SLC4A4: variants seen among roughly 807,000 people sequenced by gnomAD.
The protein encoded by SLC4A4 is solute carrier family 4 member 4.
SLC4A4 carries 27 observed loss-of-function variants against 111.5 expected under a neutral mutation model. The observed-to-expected ratio is 0.24, with a 90% CI of 0.18 to 0.33. The LOEUF is 0.33. Ranked by LOEUF, SLC4A4 falls within the 10% of genes least tolerant of loss-of-function variation. The pLI, the probability that SLC4A4 is intolerant of heterozygous loss-of-function variation, is 1.00. For missense variants in SLC4A4, 909 were observed against 1,315.5 expected (o/e 0.69, Z 4.78); for synonymous variants, 443 against 463.4 (o/e 0.96, Z 0.57).
chr4:71,419,525 C>T (rs530858344), intron 7 of SLC4A4, among the ~76,000 whole-genome samples: 9 of 152,338 alleles, frequency 5.9e-5, no homozygotes, highest in Middle Eastern at 3.4e-3. Flanking sequence ...TCTCCTGGTG[C>T]CCCGTTTTTT....
chr4:71,479,492 C>T (rs1477051100), intron 14 of SLC4A4, among the ~76,000 whole-genome samples: 1 of 151,624 alleles, frequency 6.6e-6, no homozygotes, highest in African/African-American at 2.4e-5. Flanking sequence ...CCTGTGTTCC[C>T]ATATTATAGT....
intron 2 of SLC4A4, among the ~76,000 whole-genome samples, chr4:71,177,133 G>C (rs1312514617): frequency 1.3e-5 from 2 of 152,162 alleles, no homozygotes; most frequent in African/African-American, 4.8e-5. Context: ...GATACTGAGA[G>C]ATTTTGTCAC....
chr4:71,306,894 T>A (rs1725736427), intron 3 of SLC4A4, among the ~76,000 whole-genome samples: 1 of 152,188 alleles, frequency 6.6e-6, no homozygotes, highest in Non-Finnish European at 1.5e-5. Context: ...CATAAGGTTC[T>A]GGTTAATGTC....
intron 14 of SLC4A4, among the ~76,000 whole-genome samples, chr4:71,482,901 G>A (rs1729014944): frequency 6.6e-6 from 1 of 151,578 alleles, no homozygotes; most frequent in South Asian, 2.1e-4. Flanking sequence ...CTCTGCTTCT[G>A]ATAAACTATA....
intron 16 of SLC4A4, among the ~76,000 whole-genome samples, chr4:71,512,309 A>T (rs1190071548): frequency 6.6e-6 from 1 of 151,904 alleles, no homozygotes; most frequent in African/African-American, 2.4e-5. Flanking sequence ...TCAACATCTT[A>T]TTTTTGGTCT....
chr4:71,268,075 G>GTTTTTTTTT lies in SLC4A4; in HGVS notation c.253+12690_253+12698dup, dbSNP rs10657146. ...ATATCAGTGTGCCAAATAAAGTAGT[G>GTTTTTTTTT]TTTTTTTTTTTTTTTTTTTTTTGCC... On this transcript the variant is annotated intron_variant, in intron 3 of 25. Transcript: ENST00000264485. 7.3e-4 allele frequency among the ~76,000 whole-genome samples: 64 copies of GTTTTTTTTT among 87,588 alleles called. 7 individuals carry two copies. The highest frequency in any genetic ancestry group is 2.0e-3 in the African/African-American group (44 of 21,994). 57.5% of individuals were successfully genotyped at this position (87,588 alleles called of 152,430 possible).
At chr4:71,234,236 T>C (rs1719643803) in intron 1 of SLC4A4, among the ~76,000 whole-genome samples, 1 of 152,266 alleles carries the variant, frequency 6.6e-6, no homozygotes, top group Non-Finnish European at 1.5e-5. Flanking sequence ...GATTACCTTG[T>C]TCATCTATTC....
At chr4:71,317,733 T>C (rs1261791797) in intron 3 of SLC4A4, among the ~76,000 whole-genome samples, 2 of 152,032 alleles carry the variant, frequency 1.3e-5, no homozygotes. Context: ...GGAAGCACAC[T>C]ATAGCAGGAA....
Position 71,532,285 on chromosome 4 carries a change from T to A in SLC4A4, c.2280+110T>A, listed in dbSNP as rs562235105. ...GTTAGTTTTGTACAATTATCCATAT[T>A]TTTTTTCCAAAATCAGTCCCTCTTA... On this transcript the variant is annotated intron_variant, in intron 17 of 25. Coordinates refer to ENST00000264485, the MANE Select transcript of SLC4A4 (RefSeq NM_001098484.3). 177 of 766,600 alleles carry A rather than the reference T, an allele frequency of 2.3e-4. No individual in the cohort carries two copies. The African/African-American group carries it at 2.5e-3, about 11-fold the overall frequency. 47.5% of individuals were successfully genotyped at this position (766,600 alleles called of 1,614,324 possible). A position where few individuals can be genotyped will look rare whatever the true frequency, so the allele number is the denominator to read the frequency against.
At chr4:71,126,592 T>C (rs1428117629) in intron 2 of SLC4A4, among the ~76,000 whole-genome samples, 1 of 152,174 alleles carries the variant, frequency 6.6e-6, no homozygotes, top group Non-Finnish European at 1.5e-5. Flanking sequence ...TGATAAATTA[T>C]GAACAAAGGA....
chr4:71,564,849 C>T (rs551161070), intron 24 of SLC4A4, among the ~76,000 whole-genome samples: 10 of 151,922 alleles, frequency 6.6e-5, no homozygotes, highest in East Asian at 5.9e-4. Flanking sequence ...TAACAAATTA[C>T]AATAAAACTC....
At chr4:71,139,172 CT>C (rs1743931836) in intron 2 of SLC4A4, among the ~76,000 whole-genome samples, 1 of 128,474 alleles carries the variant, frequency 7.8e-6, no homozygotes, top group African/African-American at 3.0e-5. Flanking sequence ...ACTAAATTCC[CT>C]TTTCTTTGTG....
chr4:71,494,888 T>C (rs1023428619), intron 15 of SLC4A4, among the ~76,000 whole-genome samples: 4 of 152,008 alleles, frequency 2.6e-5, no homozygotes, highest in Non-Finnish European at 4.4e-5. Context: ...TCAGCTTATA[T>C]GGAACAATAA....
At chr4:71,421,987 A>G (rs1483617765) in intron 7 of SLC4A4, among the ~76,000 whole-genome samples, 1 of 152,186 alleles carries the variant, frequency 6.6e-6, no homozygotes, top group East Asian at 1.9e-4. Flanking sequence ...AACTAAGATC[A>G]GAGCAGAACG....
chr4:71,241,650 C>T (rs1400407408), intron 2 of SLC4A4, among the ~76,000 whole-genome samples: 7 of 152,186 alleles, frequency 4.6e-5, no homozygotes, highest in African/African-American at 1.7e-4. Context: ...TATAAGTGTC[C>T]GGTTGCATTT....
At chr4:71,193,320 C>A (rs890661277) in intron 1 of SLC4A4, among the ~76,000 whole-genome samples, 27 of 152,196 alleles carry the variant, frequency 1.8e-4, no homozygotes, top group Admixed American at 1.8e-3. Context: ...CCACCACGTC[C>A]GGCTAATTTT....
chr4:71,434,339 A>T (rs1016803961), intron 7 of SLC4A4: 2 of 154,840 alleles, frequency 1.3e-5, no homozygotes, highest in Non-Finnish European at 2.9e-5. Context: ...AACAATTTTT[A>T]AAATAAAATG....
At chr4:71,417,048 A>C (rs141849359) in intron 7 of SLC4A4, among the ~76,000 whole-genome samples, 3 of 152,314 alleles carry the variant, frequency 2.0e-5, no homozygotes, top group African/African-American at 7.2e-5. Flanking sequence ...TAGTGGAGCT[A>C]TCAGTGTCCC....
At chr4:71,150,165 G>A (rs1396542614) in intron 2 of SLC4A4, among the ~76,000 whole-genome samples, 1 of 152,118 alleles carries the variant, frequency 6.6e-6, no homozygotes, top group African/African-American at 2.4e-5. Context: ...AAAAATAAAT[G>A]TTGAGCCTTG....
Sources: gnomAD v4.1 joint callset for allele counts (sites outside exome capture counted in the v4.1 genomes callset) on GRCh38, gnomAD v4.1.1 for gene constraint, MANE v1.5 for transcripts, NCBI Gene and HGNC (gene_info 2026-07-23, HGNC 2026-07-21) for gene names.